ADGRL2: variants seen among roughly 807,000 people sequenced by gnomAD.
ADGRL2 encodes calcium-independent alpha-latrotoxin receptor 2.
A neutral mutation model predicts 157.4 loss-of-function variants in ADGRL2; 44 were observed. The ratio of observed to expected loss-of-function variants is 0.28; its 90% CI spans 0.22 to 0.36. The LOEUF is 0.36. Among genes scored for constraint, ADGRL2 ranks in the 10% least tolerant of loss-of-function variants. ADGRL2 has a pLI of 1.00. For synonymous variants in ADGRL2, 585 were observed against 624.7 expected (o/e 0.94, Z 0.95); for missense variants, 1,510 against 1,768.9 (o/e 0.85, Z 2.63).
intron 17 of ADGRL2, 60 bp from the exon 18 acceptor site, chr1:81,979,809 G>C: frequency 1.0e-6 from 1 of 957,308 alleles, no homozygotes; most frequent in Non-Finnish European, 1.7e-6. Context: ...ACATTTGCAA[G>C]AACTATTCAT....
At chr1:81,644,847 G>A (rs1214122380) in intron 3 of ADGRL2, among the ~76,000 whole-genome samples, 2 of 152,078 alleles carry the variant, frequency 1.3e-5, no homozygotes, top group African/African-American at 4.8e-5. Context: ...ATTCAATTCT[G>A]CTGTGAACCT....
chr1:81,672,220 T>A (rs1034826705), intron 3 of ADGRL2, among the ~76,000 whole-genome samples: 1 of 152,222 alleles, frequency 6.6e-6, no homozygotes, highest in African/African-American at 2.4e-5. Context: ...TTAGAGCCAA[T>A]GGAAGACTAA....
At chr1:81,539,600 A>G (rs2079832841) in intron 2 of ADGRL2, among the ~76,000 whole-genome samples, 1 of 152,202 alleles carries the variant, frequency 6.6e-6, no homozygotes, top group Non-Finnish European at 1.5e-5. Flanking sequence ...GCTATAATAA[A>G]GGAACCCAAA....
At chr1:81,334,642 C>T (rs189686041) in intron 1 of ADGRL2, among the ~76,000 whole-genome samples, 7 of 152,330 alleles carry the variant, frequency 4.6e-5, no homozygotes, top group African/African-American at 1.7e-4. Context: ...AACATTTACA[C>T]AGGGCTGCCT....
chr1:81,450,677 C>G (rs2077686712), intron 2 of ADGRL2, among the ~76,000 whole-genome samples: 1 of 151,808 alleles, frequency 6.6e-6, no homozygotes, highest in Admixed American at 6.6e-5. Flanking sequence ...TAACATCAAC[C>G]AATACTTATT....
chr1:81,428,871 G>A (rs373999621), intron 1 of ADGRL2, among the ~76,000 whole-genome samples: 1 of 152,072 alleles, frequency 6.6e-6, no homozygotes, highest in Non-Finnish European at 1.5e-5. Flanking sequence ...GGAGAGAGAG[G>A]GACAGTGGGA....
intron 2 of ADGRL2, among the ~76,000 whole-genome samples, chr1:81,871,505 G>A (rs1170557412): frequency 3.3e-5 from 5 of 152,102 alleles, no homozygotes; most frequent in African/African-American, 7.2e-5. Flanking sequence ...TTGAGGAATC[G>A]CCACACTGTC....
intron 4 of ADGRL2, among the ~76,000 whole-genome samples, chr1:81,940,224 T>G (rs1342130): frequency 0.034 from 5,214 of 151,576 alleles, 124 homozygotes; most frequent in South Asian, 0.12. Flanking sequence ...ATTTAATTTA[T>G]TTCAGTAAAA....
At chr1:81,589,557 A>C (rs1363705331) in intron 3 of ADGRL2, among the ~76,000 whole-genome samples, 1 of 152,202 alleles carries the variant, frequency 6.6e-6, no homozygotes, top group African/African-American at 2.4e-5. Context: ...AACTTTGTTC[A>C]GTTGGCAGTA....
intron 3 of ADGRL2, among the ~76,000 whole-genome samples, chr1:81,917,206 A>G (rs1388556345): frequency 2.0e-5 from 3 of 152,126 alleles, no homozygotes; most frequent in East Asian, 1.9e-4. Flanking sequence ...CATATATCCT[A>G]TACTGAAATT....
rs1326714945 is a variant in ADGRL2 at position 81,864,830 on chromosome 1, A to C, written c.73+27773A>C. On this transcript the variant is annotated intron_variant, in intron 2 of 23. Transcript: ENST00000686636. Reference sequence around the variant, plus strand: ...ACAAACAAAACAAAACAAACAAAAAACAAAAATTAGCTGGGTGTTGTGGTG... The same window carrying C: ...ACAAACAAAACAAAACAAACAAAAACCAAAAATTAGCTGGGTGTTGTGGTG... 2.6e-5 allele frequency among the ~76,000 whole-genome samples: 4 copies of C among 152,068 alleles called. No individual in the cohort carries two copies. The East Asian group carries it at 5.8e-4, about 22-fold the overall frequency.
At chr1:81,374,428 C>T (rs1391203737) in intron 1 of ADGRL2, among the ~76,000 whole-genome samples, 1 of 151,884 alleles carries the variant, frequency 6.6e-6, no homozygotes, top group Non-Finnish European at 1.5e-5. Flanking sequence ...AAAAATTAGC[C>T]GGACGTGGTG....
At chr1:81,512,049 G>A (rs1409361133) in intron 2 of ADGRL2, among the ~76,000 whole-genome samples, 2 of 152,004 alleles carry the variant, frequency 1.3e-5, no homozygotes, top group Non-Finnish European at 2.9e-5. Context: ...ACCTCATCGT[G>A]CTAAAAGAGC....
At chr1:81,810,467 T>C (rs1295594291) in intron 1 of ADGRL2, among the ~76,000 whole-genome samples, 4 of 151,886 alleles carry the variant, frequency 2.6e-5, no homozygotes, top group Non-Finnish European at 5.9e-5. Context: ...TACCATTTTA[T>C]AGTGTTTGCT....
chr1:81,425,452 G>A (rs1216372482), intron 1 of ADGRL2, among the ~76,000 whole-genome samples: 1 of 152,080 alleles, frequency 6.6e-6, no homozygotes, highest in Admixed American at 6.6e-5. Flanking sequence ...GTACACTTGG[G>A]CTTATACTCT....
chr1:81,805,550 AT>A (rs1256319483), intron 1 of ADGRL2, among the ~76,000 whole-genome samples: 4 of 151,962 alleles, frequency 2.6e-5, no homozygotes, highest in Non-Finnish European at 4.4e-5. Context: ...AAAAACTATC[AT>A]TAATTGCCTA....
Position 81,390,709 on chromosome 1 carries a change from A to T in ADGRL2, c.-301-54327A>T, listed in dbSNP as rs917973092. Among the ~76,000 whole-genome samples, 19 of 152,420 alleles carry T rather than the reference A, an allele frequency of 1.2e-4. No individual in the cohort carries two copies. In the East Asian group the frequency reaches 2.5e-3, roughly 20 times the overall value. On this transcript the variant is annotated intron_variant, in intron 1 of 24. Coordinates refer to the ADGRL2 transcript ENST00000370721. The stretch of plus-strand genomic sequence containing the variant: ...ATATGGCAATTTGATCTTCTCTCTT[A>T]ATATACCTTGGACATGTTTCTGTAT...
chr1:81,859,156 GT>G (rs5775644), intron 2 of ADGRL2, among the ~76,000 whole-genome samples: 151,188 of 152,238 alleles, frequency 0.99, 75,087 homozygotes, highest in Middle Eastern at 1. Flanking sequence ...TTGTCACTGA[GT>G]TTTTACCTTT....
intron 3 of ADGRL2, among the ~76,000 whole-genome samples, chr1:81,623,792 A>G (rs981788065): frequency 1.3e-5 from 2 of 151,886 alleles, no homozygotes; most frequent in African/African-American, 4.8e-5. Flanking sequence ...GTGCGCCACC[A>G]CAGCTGGCTA....
Sources: gnomAD v4.1 joint callset for allele counts (sites outside exome capture counted in the v4.1 genomes callset) on GRCh38, gnomAD v4.1.1 for gene constraint, MANE v1.5 for transcripts, NCBI Gene and HGNC (gene_info 2026-07-23, HGNC 2026-07-21) for gene names.